The following EFCAB5 variants were observed in gnomAD, a reference collection of about 807,000 sequenced individuals.
EFCAB5 encodes EF-hand calcium binding domain 5, also known as EF-hand calcium-binding domain-containing protein 5.
A neutral mutation model predicts 167.9 loss-of-function variants in EFCAB5; 131 were observed. The ratio of observed to expected loss-of-function variants is 0.78; its 90% CI spans 0.68 to 0.90. The LOEUF is 0.90. Among genes scored for constraint, EFCAB5 ranks in the 40% least tolerant of loss-of-function variants. EFCAB5 has a pLI of 0.00. For synonymous variants in EFCAB5, 574 were observed against 602.8 expected, an observed-to-expected ratio of 0.95 and a Z score of 0.70; for missense variants, 1,663 against 1,745.2, an observed-to-expected ratio of 0.95 and a Z score of 0.84.
In EFCAB5 at chr17:29,969,095, C is replaced by T; in HGVS notation, c.495C>T (p.Ser165=). The change falls in exon 4 of 23, where the codon AGC becomes AGT. Residue 165 remains serine, a synonymous_variant. Transcript: ENST00000394835. The part of the protein sequence containing the change: ...NLAKEWFNTD[S]MTLNNTAYLL... ...CCAAAGAGTGGTTTAATACTGACAGCATGACACTGAATAATACTGCATATT... is the reference window on the plus strand; with the variant it reads ...CCAAAGAGTGGTTTAATACTGACAGTATGACACTGAATAATACTGCATATT... The T allele has an allele frequency of 6.2e-7, 1 of 1,613,662 alleles. No homozygotes were observed. Among genetic ancestry groups the T allele is most frequent in the Non-Finnish European group, 8.5e-7 (1 of 1,179,732 alleles).
chr17:30,063,827 A>T (rs763109985), intron 14 of EFCAB5, among the ~76,000 whole-genome samples: 1 of 152,210 alleles, frequency 6.6e-6, no homozygotes, highest in Non-Finnish European at 1.5e-5. Context: ...CATCAAGGAC[A>T]TTAATAACAT....
At chr17:30,099,893 A>G (rs2071358430) in intron 22 of EFCAB5, among the ~76,000 whole-genome samples, 1 of 152,080 alleles carries the variant, frequency 6.6e-6, no homozygotes, top group African/African-American at 2.4e-5. Context: ...TCACCTTTAC[A>G]CAAAGGTGAC....
chr17:30,056,825 T>G (rs555342675), intron 12 of EFCAB5, among the ~76,000 whole-genome samples: 14 of 152,234 alleles, frequency 9.2e-5, no homozygotes, highest in Non-Finnish European at 1.8e-4. Context: ...CTGGTGAAAA[T>G]GCATGGCATT....
intron 22 of EFCAB5, among the ~76,000 whole-genome samples, chr17:30,094,477 C>T (rs944581316): frequency 7.9e-6 from 1 of 126,118 alleles, no homozygotes; most frequent in African/African-American, 3.1e-5. Context: ...TGGAGACTAG[C>T]GTGGACAACA....
At chr17:30,041,010 G>C (rs1402673056) in intron 8 of EFCAB5, among the ~76,000 whole-genome samples, 1 of 152,188 alleles carries the variant, frequency 6.6e-6, no homozygotes, top group Non-Finnish European at 1.5e-5. Flanking sequence ...TTAAGAGTGT[G>C]AAGTCCAGCT....
Position 30,092,915 on chromosome 17 carries a change from C to T in EFCAB5, c.4300C>T (p.Leu1434Phe). 6.2e-7 allele frequency: 1 copy of T among 1,608,852 alleles called. No individual in the cohort carries two copies. Among genetic ancestry groups the T allele is most frequent in the Non-Finnish European group, 8.5e-7 (1 of 1,177,708 alleles). The change falls in exon 22 of 23, where the codon CTT becomes TTT. Residue 1434 changes from leucine to phenylalanine, a missense_variant. Coordinates refer to ENST00000394835, the MANE Select transcript of EFCAB5 (RefSeq NM_198529.4). ...TAKHVEVNVQLIDEYIRDHSR... is the reference protein window; with the variant it reads ...TAKHVEVNVQFIDEYIRDHSR... ...CAAGCATGTGGAAGTTAATGTACAG[C>T]TTATTGATGAATATATCAGAGGTAA... is the stretch of plus-strand genomic sequence containing the variant.
chr17:30,086,254 G>A (rs150889356), intron 18 of EFCAB5, among the ~76,000 whole-genome samples: 43 of 152,082 alleles, frequency 2.8e-4, no homozygotes, highest in African/African-American at 9.6e-4. Flanking sequence ...GTTAATATAC[G>A]TTCTTATAAA....
Position 29,941,843 on chromosome 17 carries a change from T to C in EFCAB5, c.42+5T>C. The C allele has an allele frequency of 1.6e-5, 26 of 1,601,176 alleles. No homozygotes were observed. The highest frequency in any genetic ancestry group is 2.2e-5 in the Non-Finnish European group (26 of 1,172,878). On this transcript the variant is annotated splice_donor_5th_base_variant and intron_variant, in intron 1 of 22. Coordinates refer to ENST00000394835, the MANE Select transcript of EFCAB5 (RefSeq NM_198529.4). ...GAGGAACTCAGACCTGCTCAGGTTC[T>C]TGTCCTACATAGGTTTATCACATTT...
intron 8 of EFCAB5, among the ~76,000 whole-genome samples, chr17:30,035,826 C>G (rs1277288183): frequency 2.0e-5 from 3 of 151,900 alleles, no homozygotes; most frequent in African/African-American, 7.3e-5. Context: ...GTCAAGTGAT[C>G]TTCTCATATC....
chr17:29,988,323 C>T (rs1244344691), intron 4 of EFCAB5, among the ~76,000 whole-genome samples: 1 of 152,134 alleles, frequency 6.6e-6, no homozygotes, highest in Non-Finnish European at 1.5e-5. Context: ...CATAACTGAG[C>T]ATTTTCAATT....
chr17:30,071,138 G>T (rs2070726985), intron 14 of EFCAB5, among the ~76,000 whole-genome samples: 1 of 150,214 alleles, frequency 6.7e-6, no homozygotes. Context: ...AGACAAGCGG[G>T]ATTCTATCAA....
rs547568814 is a variant in EFCAB5, at chr17:29,950,544, A to T, written c.190+6895A>T. On this transcript the variant is annotated intron_variant, in intron 3 of 22. Coordinates refer to ENST00000394835, the MANE Select transcript of EFCAB5 (RefSeq NM_198529.4). The stretch of plus-strand genomic sequence containing the variant: ...GTACACCACACCCACCTAAGTTTTT[A>T]ATTTTTTTTTGCAGAGACTGGGTCT... 8 of 151,866 alleles carry T rather than the reference A, an allele frequency of 5.3e-5. No homozygotes were observed. In the East Asian group the frequency reaches 1.6e-3, roughly 29 times the overall value. 9.4% of individuals were successfully genotyped at this position (151,866 alleles called of 1,614,324 possible). A position where few individuals can be genotyped will look rare whatever the true frequency, so the allele number is the denominator to read the frequency against.
chr17:30,063,362 C>A (rs2070476548), intron 14 of EFCAB5, among the ~76,000 whole-genome samples: 1 of 152,152 alleles, frequency 6.6e-6, no homozygotes, highest in Non-Finnish European at 1.5e-5. Context: ...TGCCCTGAGA[C>A]CTGAGTTGCC....
At chr17:30,075,307 G>T (rs747435995) in intron 14 of EFCAB5, among the ~76,000 whole-genome samples, 1 of 151,978 alleles carries the variant, frequency 6.6e-6, no homozygotes, top group Non-Finnish European at 1.5e-5. Flanking sequence ...TCCTTACTCT[G>T]CTTAGGTTCT....
At chr17:30,084,766 T>G (rs1223106536) in intron 18 of EFCAB5, among the ~76,000 whole-genome samples, 1 of 152,188 alleles carries the variant, frequency 6.6e-6, no homozygotes, top group East Asian at 1.9e-4. Context: ...ATGGGCTCTT[T>G]GGCCCTTTGG....
chr17:29,930,642 A>G (rs3936006), intron 1 of EFCAB5, among the ~76,000 whole-genome samples: 75,960 of 151,754 alleles, frequency 0.5, 19,407 homozygotes, highest in East Asian at 0.68. Context: ...GCGCAGACAG[A>G]ACTGGGCTAG....
At chr17:29,977,692 G>A (rs377437797) in intron 4 of EFCAB5, among the ~76,000 whole-genome samples, 123 of 152,240 alleles carry the variant, frequency 8.1e-4, no homozygotes, top group African/African-American at 2.9e-3. Flanking sequence ...CATAAAGAGA[G>A]AGAAACACAA....
chr17:30,041,365 A>G (rs545437228), intron 8 of EFCAB5, among the ~76,000 whole-genome samples: 43 of 152,332 alleles, frequency 2.8e-4, no homozygotes, highest in Non-Finnish European at 5.0e-4. Flanking sequence ...ACTTCAGTAG[A>G]CAAAATAGCT....
At chr17:30,057,505 C>A (rs2070303941) in intron 12 of EFCAB5, among the ~76,000 whole-genome samples, 171 bp from the exon 13 acceptor site, 1 of 152,108 alleles carries the variant, frequency 6.6e-6, no homozygotes, top group Non-Finnish European at 1.5e-5. Context: ...TCTGAACTGA[C>A]AATGGAGAGA....
Sources: gnomAD v4.1 joint callset for allele counts (sites outside exome capture counted in the v4.1 genomes callset) on GRCh38, gnomAD v4.1.1 for gene constraint, MANE v1.5 for transcripts, NCBI Gene and HGNC (gene_info 2026-07-23, HGNC 2026-07-21) for gene names.